Variants in SERTAD4 observed in about 807,000 individuals in gnomAD.
The protein encoded by SERTAD4 is SERTA domain containing 4, also known as SERTA domain-containing protein 4.
In SERTAD4, 18 loss-of-function variants were observed where a neutral mutation model predicts 32.9. The ratio of observed to expected loss-of-function variants is 0.55; its 90% CI spans 0.38 to 0.81. The LOEUF (loss-of-function observed/expected upper bound fraction) is 0.81, where lower values mean the gene tolerates loss of function less well. SERTAD4 is among the 30% of genes least tolerant of loss of function. SERTAD4 has a pLI of 0.00. For synonymous variants in SERTAD4, 150 were observed against 156.4 expected (o/e 0.96, Z 0.30); for missense variants, 383 against 426.0 (o/e 0.90, Z 0.89).
chr1:210,240,375 T>C (rs2083982730), intron 3 of SERTAD4, among the ~76,000 whole-genome samples: 2 of 152,198 alleles, frequency 1.3e-5, no homozygotes, highest in Admixed American at 1.3e-4. Context: ...TCTTCCTCTC[T>C]GTCTCCTCTT....
At position 210,235,497 on chromosome 1, in the gene SERTAD4, A is replaced by G. The variant is rs571402870; in HGVS notation, c.-17-2447A>G. ...ATCACTTGCAGAACTCAGCCTCTCT[A>G]GTTTAGGGTTTTGTGTGTAACAGTT... On this transcript the variant is annotated intron_variant, in intron 1 of 3. Transcript: ENST00000367012. 4.6e-5 allele frequency among the ~76,000 whole-genome samples: 7 copies of G among 152,340 alleles called. No individual in the cohort carries two copies. The East Asian group carries it at 1.4e-3, about 29-fold the overall frequency.
chr1:210,242,774 T>A lies in SERTAD4; in HGVS notation c.*437T>A. On this transcript the variant is annotated 3_prime_UTR_variant, in exon 4 of 4. Coordinates refer to ENST00000367012, the MANE Select transcript of SERTAD4 (RefSeq NM_019605.5). The surrounding 1 kb of genome is among the most constrained non-coding windows in gnomAD (Gnocchi z 4.0). ...TGCTTCTTCTATATGATACAATATT[T>A]TTTTTAAATAAAAGACTAAAGACAG... is the stretch of plus-strand genomic sequence containing the variant. 1.0e-6 allele frequency: 1 copy of A among 988,240 alleles called. No individual in the cohort carries two copies. Among genetic ancestry groups the A allele is most frequent in the Non-Finnish European group, 1.2e-6 (1 of 831,518 alleles). The allele number at this position is 988,240 out of a possible 1,614,324, so 61.2% of individuals were successfully genotyped here. A position where few individuals can be genotyped will look rare whatever the true frequency, so the allele number is the denominator to read the frequency against.
At position 210,242,977 on chromosome 1, in the gene SERTAD4, G is replaced by C. The variant is rs1209299002; in HGVS notation, c.*640G>C. On this transcript the variant is annotated 3_prime_UTR_variant, in exon 4 of 4. Transcript: ENST00000367012. The surrounding 1 kb of genome is among the most constrained non-coding windows in gnomAD (Gnocchi z 4.0). ...CTGGCTTGCCTGTGATGGGTGATGA[G>C]GCTTTTAGAGAGGTGTTATACAGGG... The C allele has an allele frequency of 1.0e-6, 1 of 984,872 alleles. No individual in the cohort carries two copies. Among genetic ancestry groups the C allele is most frequent in the African/African-American group, 1.8e-5 (1 of 56,930 alleles). The allele number at this position is 984,872 out of a possible 1,614,324, so 61.0% of individuals were successfully genotyped here. A position where few individuals can be genotyped will look rare whatever the true frequency, so the allele number is the denominator to read the frequency against.
In SERTAD4 at chr1:210,244,854, G is replaced by A. The variant is rs2147852044; in HGVS notation, c.*2517G>A. On this transcript the variant is annotated 3_prime_UTR_variant, in exon 4 of 4. Transcript: ENST00000367012. ...TTTGAATCCAGCAGCATAAAAATCT[G>A]TTCTTTTTAGTCATCAAGTTTTTGT... 1 of 152,186 alleles carries A rather than the reference G, an allele frequency of 6.6e-6. No homozygotes were observed. Among genetic ancestry groups the A allele is most frequent in the East Asian group, 1.9e-4 (1 of 5,166 alleles). 9.4% of individuals were successfully genotyped at this position (152,186 alleles called of 1,614,324 possible).
chr1:210,246,080 T>A lies in SERTAD4; in HGVS notation c.*3743T>A. 4.5e-6 allele frequency: 1 copy of A among 222,012 alleles called. No homozygotes were observed. Among genetic ancestry groups the A allele is most frequent in the Non-Finnish European group, 7.6e-6 (1 of 132,044 alleles). 13.8% of individuals were successfully genotyped at this position (222,012 alleles called of 1,614,324 possible). A position where few individuals can be genotyped will look rare whatever the true frequency, so the allele number is the denominator to read the frequency against. On this transcript the variant is annotated 3_prime_UTR_variant, in exon 4 of 4. Transcript: ENST00000367012. ...CAGAGACAAGCATTCAGCATGGCAT[T>A]AGTAATGATGGTTTAAACTAGGTGC... is the stretch of plus-strand genomic sequence containing the variant.
Position 210,243,734 on chromosome 1 carries a change from A to G in SERTAD4, c.*1397A>G, listed in dbSNP as rs1251697942. On this transcript the variant is annotated 3_prime_UTR_variant, in exon 4 of 4. Coordinates refer to ENST00000367012, the MANE Select transcript of SERTAD4 (RefSeq NM_019605.5). ...CTGCTAAACTGTATTCCAGTTTCCAAGTTTACTAATTGACTTGGGCCTGTT... is the reference window on the plus strand; with the variant it reads ...CTGCTAAACTGTATTCCAGTTTCCAGGTTTACTAATTGACTTGGGCCTGTT... 3 of 152,166 alleles carry G rather than the reference A, an allele frequency of 2.0e-5. No individual in the cohort carries two copies. The highest frequency in any genetic ancestry group is 4.4e-5 in the Non-Finnish European group (3 of 68,032). The allele number at this position is 152,166 out of a possible 1,614,324, so 9.4% of individuals were successfully genotyped here. A position where few individuals can be genotyped will look rare whatever the true frequency, so the allele number is the denominator to read the frequency against.
intron 3 of SERTAD4, 86 bp from the exon 4 acceptor site, chr1:210,241,472 A>G (rs949103735): frequency 3.0e-6 from 4 of 1,322,914 alleles, no homozygotes; most frequent in African/African-American, 1.5e-5. Flanking sequence ...GTATGCTATG[A>G]TGATGTTTTC....
At position 210,243,868 on chromosome 1, in the gene SERTAD4, G is replaced by T. The variant is rs1397017126; in HGVS notation, c.*1531G>T. On this transcript the variant is annotated 3_prime_UTR_variant, in exon 4 of 4. Coordinates refer to ENST00000367012, the MANE Select transcript of SERTAD4 (RefSeq NM_019605.5). Reference sequence around the variant, plus strand: ...TTATTGCTATTAATATTAAATATAGGTCTCATTCATACAGTGTATGAGTAG... The same window carrying T: ...TTATTGCTATTAATATTAAATATAGTTCTCATTCATACAGTGTATGAGTAG... 1.3e-5 allele frequency: 2 copies of T among 152,092 alleles called. No individual in the cohort carries two copies. The highest frequency in any genetic ancestry group is 2.9e-5 in the Non-Finnish European group (2 of 68,020). 9.4% of individuals were successfully genotyped at this position (152,092 alleles called of 1,614,324 possible).
chr1:210,246,460 G>T, downstream of SERTAD4: 1 of 541,264 alleles, frequency 1.8e-6, no homozygotes, highest in South Asian at 8.0e-5. Flanking sequence ...AAAGATGTAA[G>T]TTATGAACAC....
At chr1:210,240,671 C>T (rs758628840) in intron 3 of SERTAD4, among the ~76,000 whole-genome samples, 6 of 152,194 alleles carry the variant, frequency 3.9e-5, no homozygotes, top group Non-Finnish European at 5.9e-5. Context: ...CACCAACCAT[C>T]GCATAGTGAC....
At chr1:210,246,354 C>T (rs1371401310), downstream of SERTAD4, 1 of 154,070 alleles carries the variant, frequency 6.5e-6, no homozygotes, top group Non-Finnish European at 1.4e-5. Context: ...AGCTACACGA[C>T]CTGGGGTGAA....
In SERTAD4 at chr1:210,245,342, T is replaced by A. The variant is rs1247788375; in HGVS notation, c.*3005T>A. 2.0e-5 allele frequency: 3 copies of A among 152,214 alleles called. No individual in the cohort carries two copies. Among genetic ancestry groups the A allele is most frequent in the Non-Finnish European group, 4.4e-5 (3 of 68,042 alleles). The allele number at this position is 152,214 out of a possible 1,614,324, so 9.4% of individuals were successfully genotyped here. On this transcript the variant is annotated 3_prime_UTR_variant, in exon 4 of 4. Coordinates refer to ENST00000367012, the MANE Select transcript of SERTAD4 (RefSeq NM_019605.5). ...ATTCCCCTAGGCATCTGGGTGCATA[T>A]CATTAATGAAATCATTAACCTTTGT...
chr1:210,239,807 A>G (rs1281021907), intron 3 of SERTAD4, among the ~76,000 whole-genome samples, 199 bp downstream of exon 3: 1 of 152,228 alleles, frequency 6.6e-6, no homozygotes, highest in Non-Finnish European at 1.5e-5. Flanking sequence ...AGCTGGCAAG[A>G]GCTATTCTAC....
intron 3 of SERTAD4, 24 bp from the exon 4 acceptor site, chr1:210,241,534 C>CTTTTTTTTTTTTTTTTTTTTTT: frequency 2.7e-6 from 3 of 1,110,534 alleles, no homozygotes; most frequent in South Asian, 2.2e-5. Context: ...TTGTTTTTTT[C>CTTTTTTTTTTTTTTTTTTTTTT]TTTTTTTTTT....
chr1:210,236,342 C>A (rs1306348374), intron 1 of SERTAD4, among the ~76,000 whole-genome samples: 1 of 152,194 alleles, frequency 6.6e-6, no homozygotes, highest in Non-Finnish European at 1.5e-5. Flanking sequence ...GCAGCCCAAA[C>A]CAGCTGAGTC....
In SERTAD4 at chr1:210,245,954, A is replaced by G; in HGVS notation, c.*3617A>G. The G allele has an allele frequency of 1.0e-6, 1 of 983,952 alleles. No homozygotes were observed. The highest frequency in any genetic ancestry group is 1.2e-6 in the Non-Finnish European group (1 of 828,586). The allele number at this position is 983,952 out of a possible 1,614,324, so 61.0% of individuals were successfully genotyped here. A position where few individuals can be genotyped will look rare whatever the true frequency, so the allele number is the denominator to read the frequency against. ...TGAGCAGGAGACTTTTTTGGAAATA[A>G]TTAGTTGTGAAATTCCATTTTTCTG... On this transcript the variant is annotated 3_prime_UTR_variant, in exon 4 of 4. Transcript: ENST00000367012.
At chr1:210,236,408 A>G (rs989741683) in intron 1 of SERTAD4, among the ~76,000 whole-genome samples, 91 of 152,200 alleles carry the variant, frequency 6.0e-4, no homozygotes, top group African/African-American at 2.1e-3. Context: ...ATCTTGCTTC[A>G]TTATTCAGTG....
rs928177767 is a variant in SERTAD4 at position 210,242,990 on chromosome 1, G to C, written c.*653G>C. ...GATGGGTGATGAGGCTTTTAGAGAGGTGTTATACAGGGCGATTTTTGGTGC... is the reference window on the plus strand; with the variant it reads ...GATGGGTGATGAGGCTTTTAGAGAGCTGTTATACAGGGCGATTTTTGGTGC... On this transcript the variant is annotated 3_prime_UTR_variant, in exon 4 of 4. Transcript: ENST00000367012. This position sits in a 1 kb window ranked among gnomAD's most constrained non-coding sequence, Gnocchi z 4.0. 2 of 981,986 alleles carry C rather than the reference G, an allele frequency of 2.0e-6. No individual in the cohort carries two copies. The highest frequency in any genetic ancestry group is 3.6e-5 in the African/African-American group (2 of 56,290). The allele number at this position is 981,986 out of a possible 1,614,324, so 60.8% of individuals were successfully genotyped here.
intron 1 of SERTAD4, among the ~76,000 whole-genome samples, chr1:210,236,352 C>T (rs564873384): frequency 3.9e-5 from 6 of 152,294 alleles, no homozygotes; most frequent in Non-Finnish European, 8.8e-5. Flanking sequence ...CCAGCTGAGT[C>T]CTAATTCTCT....
Sources: gnomAD v4.1 joint callset for allele counts (sites outside exome capture counted in the v4.1 genomes callset) on GRCh38, gnomAD v4.1.1 for gene constraint, Gnocchi (gnomAD v3.1) non-coding constraint, MANE v1.5 for transcripts, NCBI Gene and HGNC (gene_info 2026-07-23, HGNC 2026-07-21) for gene names.